ADAMTS12: variants seen among roughly 807,000 people sequenced by gnomAD.
The protein encoded by ADAMTS12 is ADAM metallopeptidase with thrombospondin type 1 motif 12.
In ADAMTS12, 118 loss-of-function variants were observed where a neutral mutation model predicts 167.8. That is an observed-to-expected ratio of 0.70 (90% CI 0.61 to 0.82). ADAMTS12 has a LOEUF of 0.82. ADAMTS12 is among the 40% of genes least tolerant of loss of function. The pLI, the probability that ADAMTS12 is intolerant of heterozygous loss-of-function variation, is 0.00. For missense variants in ADAMTS12, 1,916 were observed against 1,998.8 expected, an observed-to-expected ratio of 0.96 and a Z score of 0.79; for synonymous variants, 704 against 716.9, an observed-to-expected ratio of 0.98 and a Z score of 0.29.
intron 2 of ADAMTS12, among the ~76,000 whole-genome samples, chr5:33,757,619 A>G (rs979606442): frequency 6.6e-6 from 1 of 152,202 alleles, no homozygotes; most frequent in Non-Finnish European, 1.5e-5. Context: ...CAAGAATCCA[A>G]GCGGTGGGAA....
chr5:33,772,631 C>T (rs762753517), intron 2 of ADAMTS12, among the ~76,000 whole-genome samples: 1 of 152,130 alleles, frequency 6.6e-6, no homozygotes, highest in South Asian at 2.1e-4. Flanking sequence ...ACTTCTTTTC[C>T]AGGCTTCTTG....
intron 3 of ADAMTS12, among the ~76,000 whole-genome samples, chr5:33,720,316 T>C (rs543627272): frequency 2.1e-4 from 16 of 75,084 alleles, no homozygotes; most frequent in Non-Finnish European, 4.4e-4. Context: ...ACACACACGA[T>C]TGCCAATTTC....
In ADAMTS12 at chr5:33,525,617, G is replaced by C. The variant is rs1029547516; in HGVS notation, c.*1571C>G. ...TAATTCTGCCACCATCTAGATATTA[G>C]CACCATTTTTTTAATAGCACCATTC... On this transcript the variant is annotated 3_prime_UTR_variant, in exon 24 of 24. Coordinates refer to ENST00000504830, the MANE Select transcript of ADAMTS12 (RefSeq NM_030955.4). 1 of 152,070 alleles carries C rather than the reference G, an allele frequency of 6.6e-6. No homozygotes were observed. The highest frequency in any genetic ancestry group is 1.5e-5 in the Non-Finnish European group (1 of 68,030). 9.4% of individuals were successfully genotyped at this position (152,070 alleles called of 1,614,324 possible).
intron 2 of ADAMTS12, among the ~76,000 whole-genome samples, chr5:33,769,360 G>A (rs191956269): frequency 1.3e-5 from 2 of 152,280 alleles, no homozygotes; most frequent in African/African-American, 4.8e-5. Context: ...TACAAATGGA[G>A]GGACCGTGCC....
chr5:33,719,178 T>G (rs1170148333), intron 3 of ADAMTS12, among the ~76,000 whole-genome samples: 2 of 151,990 alleles, frequency 1.3e-5, no homozygotes, highest in East Asian at 1.9e-4. Context: ...GGTAGATGGG[T>G]TGTGCCAATG....
intron 20 of ADAMTS12, among the ~76,000 whole-genome samples, chr5:33,557,632 A>T (rs1745543959): frequency 6.6e-6 from 1 of 152,128 alleles, no homozygotes; most frequent in Non-Finnish European, 1.5e-5. Flanking sequence ...CCCATCTCAA[A>T]AAAAAATTAA....
chr5:33,725,672 G>A (rs1015007556), intron 3 of ADAMTS12, among the ~76,000 whole-genome samples: 1 of 152,230 alleles, frequency 6.6e-6, no homozygotes, highest in African/African-American at 2.4e-5. Flanking sequence ...CCGCAGCTGG[G>A]AATGGCCTTG....
intron 3 of ADAMTS12, among the ~76,000 whole-genome samples, chr5:33,718,397 A>G (rs1743687875): frequency 6.6e-6 from 1 of 152,168 alleles, no homozygotes; most frequent in East Asian, 1.9e-4. Context: ...AAGCATTACC[A>G]TCTGAGCTCT....
At position 33,546,206 on chromosome 5, in the gene ADAMTS12, A is replaced by T. The variant is rs745892833; in HGVS notation, c.4303-4T>A. 1 of 1,608,494 alleles carries T rather than the reference A, an allele frequency of 6.2e-7. No individual in the cohort carries two copies. Among genetic ancestry groups the T allele is most frequent in the South Asian group, 1.1e-5 (1 of 89,530 alleles). The stretch of plus-strand genomic sequence containing the variant: ...CACCTCCACAGGACCTGGAGCACTG[A>T]TACACAGCAGTGACAAGATTAGGTA... On this transcript the variant is annotated splice_region_variant and splice_polypyrimidine_tract_variant and intron_variant, in intron 21 of 23. Coordinates refer to ENST00000504830, the MANE Select transcript of ADAMTS12 (RefSeq NM_030955.4).
At chr5:33,883,327 G>T (rs141247943) in intron 1 of ADAMTS12, among the ~76,000 whole-genome samples, 1,224 of 111,218 alleles carry the variant, frequency 0.011, 14 homozygotes, top group African/African-American at 0.035. Context: ...TTTTTTTTTT[G>T]TTTTTTTTTT....
chr5:33,627,007 G>A (rs1739674927), intron 13 of ADAMTS12, among the ~76,000 whole-genome samples: 1 of 150,220 alleles, frequency 6.7e-6, no homozygotes, highest in African/African-American at 2.5e-5. Context: ...TGGTGGTGGT[G>A]ATGCAGTAGG....
rs570392651 is a variant in ADAMTS12 at position 33,757,911 on chromosome 5, G to A, written c.490-6363C>T. ...CAGTTGCTCATTTCATCATAGCATC[G>A]TCTACCGCAAACACAGTATAAAGTG... is the stretch of plus-strand genomic sequence containing the variant. On this transcript the variant is annotated intron_variant, in intron 2 of 23. Transcript: ENST00000504830. Among the ~76,000 whole-genome samples, 5 of 152,238 alleles carry A rather than the reference G, an allele frequency of 3.3e-5. 1 individual carries two copies. The South Asian group carries it at 8.3e-4, about 25-fold the overall frequency.
Position 33,733,665 on chromosome 5 carries a change from A to G in ADAMTS12, c.634+17739T>C, listed in dbSNP as rs530602930. Reference sequence around the variant, plus strand: ...AACAAACATGGCCGTGCTTTGTGCAAATCCAGGTGGCTTTGCATTTGGCTA... The same window carrying G: ...AACAAACATGGCCGTGCTTTGTGCAGATCCAGGTGGCTTTGCATTTGGCTA... On this transcript the variant is annotated intron_variant, in intron 3 of 23. Coordinates refer to ENST00000504830, the MANE Select transcript of ADAMTS12 (RefSeq NM_030955.4). 2.6e-5 allele frequency among the ~76,000 whole-genome samples: 4 copies of G among 152,292 alleles called. No individual in the cohort carries two copies. In the South Asian group the frequency reaches 8.3e-4, roughly 32 times the overall value.
rs922056601 is a variant in ADAMTS12, at chr5:33,654,307, T to C, written c.1190+3877A>G. 2.0e-5 allele frequency among the ~76,000 whole-genome samples: 3 copies of C among 152,220 alleles called. No individual in the cohort carries two copies. The East Asian group carries it at 5.8e-4, about 29-fold the overall frequency. ...ATCTGTCATCTCTTGACATTCTTTG[T>C]TTTCATTCAGTTTGAGATATTCTGG... On this transcript the variant is annotated intron_variant, in intron 7 of 23. Coordinates refer to ENST00000504830, the MANE Select transcript of ADAMTS12 (RefSeq NM_030955.4).
chr5:33,867,774 ATCTGCT>A (rs1335195730), intron 2 of ADAMTS12, among the ~76,000 whole-genome samples: 1 of 152,154 alleles, frequency 6.6e-6, no homozygotes, highest in Non-Finnish European at 1.5e-5. Flanking sequence ...GAATTTTTTT[ATCTGCT>A]TGTTTTATCA....
At chr5:33,684,423 C>T (rs1348739021) in intron 3 of ADAMTS12, among the ~76,000 whole-genome samples, 1 of 152,118 alleles carries the variant, frequency 6.6e-6, no homozygotes, top group Non-Finnish European at 1.5e-5. Flanking sequence ...ATTGTTTATC[C>T]TCATGAATGA....
At chr5:33,562,153 A>T (rs1745779017) in intron 19 of ADAMTS12, among the ~76,000 whole-genome samples, 1 of 152,050 alleles carries the variant, frequency 6.6e-6, no homozygotes, top group African/African-American at 2.4e-5. Flanking sequence ...AGGGGAGGCG[A>T]TTGTGCCTTT....
rs565072611 is a variant in ADAMTS12 at position 33,852,296 on chromosome 5, G to C, written c.489+28823C>G. Among the ~76,000 whole-genome samples, 9 of 152,236 alleles carry C rather than the reference G, an allele frequency of 5.9e-5. No individual in the cohort carries two copies. In the South Asian group the frequency reaches 1.0e-3, roughly 18 times the overall value. On this transcript the variant is annotated intron_variant, in intron 2 of 23. Coordinates refer to ENST00000504830, the MANE Select transcript of ADAMTS12 (RefSeq NM_030955.4). Reference sequence around the variant, plus strand: ...TAAACTTTTAAAAAGTTTTTAAAAAGGTTTTCTAGAAGAAAGAAAGGCTGC... The same window carrying C: ...TAAACTTTTAAAAAGTTTTTAAAAACGTTTTCTAGAAGAAAGAAAGGCTGC...
intron 3 of ADAMTS12, among the ~76,000 whole-genome samples, chr5:33,702,017 A>G (rs1743022565): frequency 6.6e-6 from 1 of 152,178 alleles, no homozygotes; most frequent in Non-Finnish European, 1.5e-5. Flanking sequence ...TGGTGCATGC[A>G]CTGGATCAAG....
Sources: allele counts gnomAD v4.1 joint callset (sites outside exome capture counted in the v4.1 genomes callset), GRCh38; gene constraint gnomAD v4.1.1; transcripts MANE v1.5; gene names NCBI Gene and HGNC (gene_info 2026-07-23, HGNC 2026-07-21).